The following PPP2R1A variants were observed in gnomAD, a reference collection of about 807,000 sequenced individuals.
PPP2R1A encodes the protein serine/threonine-protein phosphatase 2A 65 kDa regulatory subunit A alpha isoform.
A neutral mutation model predicts 67.1 loss-of-function variants in PPP2R1A; 15 were observed. The ratio of observed to expected loss-of-function variants is 0.22; its 90% confidence interval spans 0.15 to 0.34. The LOEUF (loss-of-function observed/expected upper bound fraction) is 0.34, where lower values mean the gene tolerates loss of function less well. Among genes scored for constraint, PPP2R1A ranks in the 10% least tolerant of loss-of-function variants. The pLI is 1.00. For missense variants in PPP2R1A, 369 were observed against 775.0 expected, an observed-to-expected ratio of 0.48 and a Z score of 6.22; for synonymous variants, 337 against 325.0, an observed-to-expected ratio of 1.04 and a Z score of -0.40.
In PPP2R1A at chr19:52,191,724, T is replaced by C. The variant is rs116779907; in HGVS notation, c.78+1550T>C. On this transcript the variant is annotated intron_variant, in intron 1 of 14. Transcript: ENST00000322088. ...TCATAGGGCGGTTGTATGAATTCTT[T>C]TGTTCAGTAAATATATGCCATGTAT... is the stretch of plus-strand genomic sequence containing the variant. Among the ~76,000 whole-genome samples the C allele has an allele frequency of 7.0e-3, 1,066 of 152,326 alleles. 15 individuals are homozygous for C. The highest frequency in any genetic ancestry group is 0.025 in the African/African-American group (1,019 of 41,564).
At position 52,190,108 on chromosome 19, in the gene PPP2R1A, C is replaced by T. The variant is rs140334526; in HGVS notation, c.12C>T (p.Ala4=). The T allele has an allele frequency of 1.5e-5, 24 of 1,548,750 alleles. No individual in the cohort carries two copies. In the South Asian group the frequency reaches 2.6e-4, roughly 17 times the overall value. The change falls in exon 1 of 15, where the codon GCC becomes GCT. Residue 4 remains alanine (A), a synonymous_variant. Coordinates refer to ENST00000322088, the MANE Select transcript of PPP2R1A (RefSeq NM_014225.6). ...GGGACGGAGCCAAGATGGCGGCGGC[C>T]GACGGCGACGACTCGCTGTACCCCA... The part of the protein sequence containing the change: MAA[A]DGDDSLYPIA...
chr19:52,222,745 A>G (rs1158486115), intron 13 of PPP2R1A, among the ~76,000 whole-genome samples: 11 of 152,154 alleles, frequency 7.2e-5, no homozygotes, highest in Admixed American at 7.2e-4. Context: ...GTGCGGTAGC[A>G]CTCACCTGTA....
chr19:52,193,339 C>T lies in PPP2R1A; in HGVS notation c.78+3165C>T, dbSNP rs113817756. Among the ~76,000 whole-genome samples the T allele has an allele frequency of 9.3e-4, 142 of 152,314 alleles. 1 individual carries two copies. Among genetic ancestry groups the T allele is most frequent in the African/African-American group, 3.3e-3 (138 of 41,580 alleles). On this transcript the variant is annotated intron_variant, in intron 1 of 14. Coordinates refer to ENST00000322088, the MANE Select transcript of PPP2R1A (RefSeq NM_014225.6). ...TCAGGATACTAGAAGGAACATGGGA[C>T]ATGAAATCCTGTAGTCTTGATTTAT...
In PPP2R1A at chr19:52,219,885, G is replaced by T; in HGVS notation, c.1302+21G>T. 1 of 1,599,264 alleles carries T rather than the reference G, an allele frequency of 6.3e-7. No homozygotes were observed. The stretch of plus-strand genomic sequence containing the variant: ...AGCTGGTGAGTGAGGAGGCCTGGGG[G>T]CCAGGCAGTGCTGCCTCAGGGGAGG... On this transcript the variant is annotated intron_variant, in intron 10 of 14. Coordinates refer to ENST00000322088, the MANE Select transcript of PPP2R1A (RefSeq NM_014225.6). This position sits in a 1 kb window ranked among gnomAD's most constrained non-coding sequence, Gnocchi z 4.0.
intron 3 of PPP2R1A, among the ~76,000 whole-genome samples, chr19:52,209,979 G>A (rs896320283): frequency 3.3e-5 from 5 of 152,180 alleles, no homozygotes; most frequent in African/African-American, 9.7e-5. Flanking sequence ...TGCCCTCCAG[G>A]GTGCCACAGT....
rs545174004 is a variant in PPP2R1A, at chr19:52,211,101, C to T, written c.271-159C>T. Among the ~76,000 whole-genome samples, 3 of 152,300 alleles carry T rather than the reference C, an allele frequency of 2.0e-5. No homozygotes were observed. In the East Asian group the frequency reaches 5.8e-4, roughly 29 times the overall value. On this transcript the variant is annotated intron_variant, in intron 3 of 14. Coordinates refer to ENST00000322088, the MANE Select transcript of PPP2R1A (RefSeq NM_014225.6). This position sits in a 1 kb window ranked among gnomAD's most constrained non-coding sequence, Gnocchi z 5.3. Reference sequence around the variant, plus strand: ...TATTACGTTTTTCCTTTGAGTCATTCATTGCAACCATTTTTAAAGGCTATT... The same window carrying T: ...TATTACGTTTTTCCTTTGAGTCATTTATTGCAACCATTTTTAAAGGCTATT...
chr19:52,216,789 G>C lies in PPP2R1A; in HGVS notation c.1128+126G>C. The C allele has an allele frequency of 7.0e-7, 1 of 1,432,260 alleles. No individual in the cohort carries two copies. Among genetic ancestry groups the C allele is most frequent in the Non-Finnish European group, 9.5e-7 (1 of 1,049,378 alleles). 88.7% of individuals were successfully genotyped at this position (1,432,260 alleles called of 1,614,324 possible). ...CTCAACAGACATCCAGATCTTTGCT[G>C]AGTTGCATGTTTGTGGGCATAGCTG... On this transcript the variant is annotated intron_variant, in intron 9 of 14. Transcript: ENST00000322088. The surrounding 1 kb of genome is among the most constrained non-coding windows in gnomAD (Gnocchi z 4.3).
chr19:52,227,698 G>C lies in PPP2R1A; in HGVS notation c.*1717G>C, dbSNP rs1240609427. 1.3e-5 allele frequency: 2 copies of C among 152,112 alleles called. No homozygotes were observed. Among genetic ancestry groups the C allele is most frequent in the Non-Finnish European group, 2.9e-5 (2 of 68,014 alleles). The allele number at this position is 152,112 out of a possible 1,614,324, so 9.4% of individuals were successfully genotyped here. On this transcript the variant is annotated 3_prime_UTR_variant, in exon 15 of 15. Coordinates refer to ENST00000322088, the MANE Select transcript of PPP2R1A (RefSeq NM_014225.6). ...TTTGTTAGACTTTATTGTGCCCTAGGGGATGAGGCTGAAGGAGACCAAAAA... is the reference window on the plus strand; with the variant it reads ...TTTGTTAGACTTTATTGTGCCCTAGCGGATGAGGCTGAAGGAGACCAAAAA...
At chr19:52,191,916 A>T (rs1322421286) in intron 1 of PPP2R1A, among the ~76,000 whole-genome samples, 2 of 152,184 alleles carry the variant, frequency 1.3e-5, no homozygotes, top group Admixed American at 6.5e-5. Context: ...TATTCTGTGC[A>T]GGGCGCTGTT....
At chr19:52,198,433 G>A (rs1204625663) in intron 1 of PPP2R1A, among the ~76,000 whole-genome samples, 1 of 152,166 alleles carries the variant, frequency 6.6e-6, no homozygotes, top group Non-Finnish European at 1.5e-5. Context: ...TCAAGTTGGG[G>A]TTCCCACGAC....
At chr19:52,199,594 T>C (rs1435454013) in intron 1 of PPP2R1A, among the ~76,000 whole-genome samples, 1 of 152,246 alleles carries the variant, frequency 6.6e-6, no homozygotes, top group Non-Finnish European at 1.5e-5. Context: ...AGTAAAGTTA[T>C]TGGAACACAG....
In PPP2R1A at chr19:52,211,378, C is replaced by T. The variant is rs2122329704; in HGVS notation, c.389C>T (p.Pro130Leu). ...TCTGACCTGGAGGCGCACTTTGTGCCGCTAGTGAAGCGGCTGGCGGGCGGC... is the reference window on the plus strand; with the variant it reads ...TCTGACCTGGAGGCGCACTTTGTGCTGCTAGTGAAGCGGCTGGCGGGCGGC... Reference protein sequence around the residue: ...SPSDLEAHFVPLVKRLAGGDW... With the variant: ...SPSDLEAHFVLLVKRLAGGDW... The change falls in exon 4 of 15, where the codon CCG becomes CTG. Residue 130 changes from proline to leucine, a missense_variant. Coordinates refer to ENST00000322088, the MANE Select transcript of PPP2R1A (RefSeq NM_014225.6). The surrounding 1 kb of genome is among the most constrained non-coding windows in gnomAD (Gnocchi z 5.3). 2 of 1,614,162 alleles carry T rather than the reference C, an allele frequency of 1.2e-6. No individual in the cohort carries two copies. The highest frequency in any genetic ancestry group is 8.5e-7 in the Non-Finnish European group (1 of 1,180,026).
intron 2 of PPP2R1A, among the ~76,000 whole-genome samples, chr19:52,205,332 C>T (rs1430640452): frequency 6.6e-6 from 1 of 152,112 alleles, no homozygotes; most frequent in South Asian, 2.1e-4. Flanking sequence ...TTTCAGCAAA[C>T]CTGAATTGCT....
intron 1 of PPP2R1A, chr19:52,191,092 C>T (rs2089450329): frequency 1.3e-5 from 2 of 152,216 alleles, no homozygotes; most frequent in African/African-American, 4.8e-5. Context: ...AACTCTTGAC[C>T]TCAAGCGATC....
chr19:52,204,907 G>A (rs969198888), intron 2 of PPP2R1A, among the ~76,000 whole-genome samples: 4 of 152,204 alleles, frequency 2.6e-5, no homozygotes, highest in African/African-American at 9.6e-5. Flanking sequence ...GGATGACAAA[G>A]GCTCAGAGAG....
rs373680053 is a variant in PPP2R1A, at chr19:52,216,628, C to T, written c.1093C>T (p.Leu365Phe). The T allele has an allele frequency of 1.2e-6, 2 of 1,614,070 alleles. No individual in the cohort carries two copies. Among genetic ancestry groups the T allele is most frequent in the African/African-American group, 1.3e-5 (1 of 74,924 alleles). The change falls in exon 9 of 15, where the codon CTC becomes TTC. Residue 365 changes from leucine to phenylalanine, a missense_variant. Transcript: ENST00000322088. The surrounding 1 kb of genome is among the most constrained non-coding windows in gnomAD (Gnocchi z 4.3). ...ILGKDNTIEH[L>F]LPLFLAQLKD... is the part of the protein sequence containing the mutation. ...GGGCAAAGACAACACCATCGAGCAC[C>T]TCTTGCCCCTCTTCCTGGCTCAGCT...
intron 1 of PPP2R1A, among the ~76,000 whole-genome samples, chr19:52,190,674 C>G (rs1470609700): frequency 1.3e-5 from 2 of 152,134 alleles, no homozygotes; most frequent in African/African-American, 4.8e-5. Flanking sequence ...CCTGCTCTTC[C>G]TCCGCCTCTC....
chr19:52,222,945 G>A (rs1268984819), intron 13 of PPP2R1A, among the ~76,000 whole-genome samples: 2 of 152,232 alleles, frequency 1.3e-5, no homozygotes, highest in African/African-American at 4.8e-5. Context: ...TTTAGATTCA[G>A]TATAAGCCCA....
chr19:52,220,077 A>G (rs1160358824), intron 10 of PPP2R1A, 112 bp from the exon 11 acceptor site: 15 of 1,317,964 alleles, frequency 1.1e-5, no homozygotes, highest in East Asian at 6.9e-5. Context: ...GACAAAGTTG[A>G]GAAGTGTCCG....
Sources: gnomAD v4.1 joint callset for allele counts (sites outside exome capture counted in the v4.1 genomes callset) on GRCh38, gnomAD v4.1.1 for gene constraint, Gnocchi (gnomAD v3.1) non-coding constraint, MANE v1.5 for transcripts, NCBI Gene and HGNC (gene_info 2026-07-23, HGNC 2026-07-21) for gene names.